Variants in ANAPC1 observed in about 807,000 individuals in gnomAD.
ANAPC1 encodes the protein anaphase-promoting complex subunit 1.
ANAPC1 carries 36 observed loss-of-function variants against 208.0 expected under a neutral mutation model. The ratio of observed to expected loss-of-function variants is 0.17; its 90% CI spans 0.13 to 0.23. The LOEUF is 0.23. Among genes scored for constraint, ANAPC1 ranks in the 10% least tolerant of loss-of-function variants. ANAPC1 has a pLI of 1.00. For missense variants in ANAPC1, 942 were observed against 2,011.6 expected (o/e 0.47, Z 10.17); for synonymous variants, 378 against 695.2 (o/e 0.54, Z 7.18).
At chr2:111,794,444 T>C (rs1255361908) in intron 35 of ANAPC1, 121 bp from the exon 36 acceptor site, 1 of 692,322 alleles carries the variant, frequency 1.4e-6, no homozygotes, top group Non-Finnish European at 2.3e-6. Context: ...AATGATGAAG[T>C]GCCCTCAGTC....
At chr2:111,853,454 CAA>C (rs1681522720) in intron 13 of ANAPC1, among the ~76,000 whole-genome samples, 1 of 151,886 alleles carries the variant, frequency 6.6e-6, no homozygotes, top group African/African-American at 2.4e-5. Flanking sequence ...CAATTCTGTT[CAA>C]GTTTGGCAAT....
chr2:111,846,053 T>C (rs1043993709), intron 16 of ANAPC1, among the ~76,000 whole-genome samples: 2 of 151,774 alleles, frequency 1.3e-5, no homozygotes, highest in African/African-American at 4.8e-5. Flanking sequence ...TTACCAGCAG[T>C]GAAAATTCCT....
intron 10 of ANAPC1, among the ~76,000 whole-genome samples, chr2:111,859,415 G>A (rs1481442212): frequency 2.0e-5 from 3 of 151,764 alleles, no homozygotes; most frequent in Non-Finnish European, 2.9e-5. Context: ...AGGTTGCGGT[G>A]AGCCAAGATC....
intron 1 of ANAPC1, among the ~76,000 whole-genome samples, chr2:111,883,566 T>C (rs1299453427): frequency 6.8e-6 from 1 of 147,440 alleles, no homozygotes. Flanking sequence ...AAATGCACAC[T>C]AACGGGAGCT....
chr2:111,880,369 T>C lies in ANAPC1; in HGVS notation c.213+244A>G, dbSNP rs879817621. 7.7e-6 allele frequency: 7 copies of C among 903,772 alleles called. No homozygotes were observed. The Admixed American group carries it at 1.3e-4, about 16-fold the overall frequency. The allele number at this position is 903,772 out of a possible 1,614,324, so 56.0% of individuals were successfully genotyped here. A position where few individuals can be genotyped will look rare whatever the true frequency, so the allele number is the denominator to read the frequency against. ...CCCGGGCAAAAAGAGCAAAACTTCATCTCAAACAAAAAAATTGAAAAATAA... is the reference window on the plus strand; with the variant it reads ...CCCGGGCAAAAAGAGCAAAACTTCACCTCAAACAAAAAAATTGAAAAATAA... On this transcript the variant is annotated intron_variant, in intron 2 of 47. Coordinates refer to ENST00000341068, the MANE Select transcript of ANAPC1 (RefSeq NM_022662.4).
intron 7 of ANAPC1, chr2:111,866,219 A>T (rs1682403867): frequency 2.1e-5 from 7 of 326,070 alleles, no homozygotes; most frequent in Middle Eastern, 2.2e-3. Flanking sequence ...AAAAAAAAAA[A>T]TTCATCATTC....
chr2:111,816,288 C>T (rs1679233691), intron 27 of ANAPC1, among the ~76,000 whole-genome samples: 1 of 147,324 alleles, frequency 6.8e-6, no homozygotes. Context: ...AAAAAGGAAA[C>T]AAGAACCTTA....
chr2:111,866,754 A>G (rs1436518889), intron 7 of ANAPC1, among the ~76,000 whole-genome samples: 3 of 151,560 alleles, frequency 2.0e-5, no homozygotes, highest in Admixed American at 2.0e-4. Context: ...TAAAACGACT[A>G]AAAACAGACT....
At chr2:111,847,446 G>T (rs1462986441) in intron 15 of ANAPC1, among the ~76,000 whole-genome samples, 1 of 152,112 alleles carries the variant, frequency 6.6e-6, no homozygotes, top group Admixed American at 6.6e-5. Context: ...TCATCAAAAG[G>T]ACATTTACTT....
chr2:111,843,662 A>G (rs900356795), intron 16 of ANAPC1, 63 bp from the exon 17 acceptor site: 2 of 1,433,634 alleles, frequency 1.4e-6, no homozygotes, highest in Non-Finnish European at 1.9e-6. Context: ...TCCCCTTTCA[A>G]TCACCAAGTT....
At chr2:111,850,996 A>G (rs1228108720) in intron 13 of ANAPC1, 86 bp from the exon 14 acceptor site, 12 of 1,439,036 alleles carry the variant, frequency 8.3e-6, no homozygotes, top group Admixed American at 7.9e-5. Context: ...ATATAAACAT[A>G]TATTTCTTTT....
chr2:111,871,189 T>C (rs1682728571), intron 6 of ANAPC1, among the ~76,000 whole-genome samples: 6 of 152,194 alleles, frequency 3.9e-5, no homozygotes, highest in Admixed American at 3.9e-4. Flanking sequence ...ACATGAATTT[T>C]AGAATTGTTT....
chr2:111,873,780 C>G, intron 3 of ANAPC1, 116 bp from the exon 4 acceptor site: 1 of 976,542 alleles, frequency 1.0e-6, no homozygotes, highest in Non-Finnish European at 1.4e-6. Flanking sequence ...CTCCTCAGCT[C>G]AACATGTACA....
At chr2:111,842,853 A>T (rs1680842866) in intron 17 of ANAPC1, among the ~76,000 whole-genome samples, 1 of 152,138 alleles carries the variant, frequency 6.6e-6, no homozygotes, top group Admixed American at 6.5e-5. Flanking sequence ...ATAATCTAAT[A>T]AGGGCCTGTA....
chr2:111,851,025 C>T (rs1399119097), intron 13 of ANAPC1, 115 bp from the exon 14 acceptor site: 21 of 1,246,048 alleles, frequency 1.7e-5, no homozygotes, highest in African/African-American at 3.1e-5. Flanking sequence ...TAAGTTTATA[C>T]TCACCAAACA....
intron 34 of ANAPC1, among the ~76,000 whole-genome samples, chr2:111,797,722 T>C (rs1276724949): frequency 1.4e-5 from 2 of 147,600 alleles, no homozygotes; most frequent in Non-Finnish European, 3.0e-5. Context: ...AAATAGTAAA[T>C]ACCAGCAACT....
chr2:111,872,587 C>A, intron 6 of ANAPC1, 43 bp downstream of exon 6: 1 of 1,503,484 alleles, frequency 6.7e-7, no homozygotes. Context: ...CACAAACACA[C>A]AAATCCCAAG....
At position 111,809,399 on chromosome 2, in the gene ANAPC1, TAAGA is replaced by T. The variant is rs1179219327; in HGVS notation, c.3598-222_3598-219del. Among the ~76,000 whole-genome samples the T allele has an allele frequency of 2.1e-4, 23 of 107,826 alleles. 1 individual carries two copies. The highest frequency in any genetic ancestry group is 8.5e-4 in the African/African-American group (23 of 27,044). 70.7% of individuals were successfully genotyped at this position (107,826 alleles called of 152,430 possible). Reference sequence around the variant, plus strand: ...AATATATTATTAAAAAGTAGTACAATAAGAAAGTACAAAGTATTATGAAAGAGTA... The same window carrying T: ...AATATATTATTAAAAAGTAGTACAATAAGTACAAAGTATTATGAAAGAGTA... On this transcript the variant is annotated intron_variant, in intron 28 of 47. Transcript: ENST00000341068.
At chr2:111,837,598 G>A (rs1573431861) in intron 18 of ANAPC1, among the ~76,000 whole-genome samples, 2 of 141,110 alleles carry the variant, frequency 1.4e-5, no homozygotes, top group South Asian at 2.4e-4. Flanking sequence ...GCGATAAGGC[G>A]AGACTCCGTC....
Sources: gnomAD v4.1 joint callset for allele counts (sites outside exome capture counted in the v4.1 genomes callset) on GRCh38, gnomAD v4.1.1 for gene constraint, MANE v1.5 for transcripts, NCBI Gene and HGNC (gene_info 2026-07-23, HGNC 2026-07-21) for gene names.